Variants in SNX4 observed in about 807,000 individuals in gnomAD.
SNX4 encodes sorting nexin-4.
SNX4 carries 49 observed loss-of-function variants against 70.8 expected under a neutral mutation model. The observed-to-expected ratio is 0.69, with a 90% CI of 0.55 to 0.88. The LOEUF (loss-of-function observed/expected upper bound fraction) is 0.88, where lower values mean the gene tolerates loss of function less well. Ranked by LOEUF, SNX4 falls within the 40% of genes least tolerant of loss-of-function variation. The pLI is 0.00. For missense variants in SNX4, 528 were observed against 544.8 expected (o/e 0.97, Z 0.31); for synonymous variants, 206 against 183.8 (o/e 1.12, Z -0.98).
At chr3:125,460,198 CAA>C (rs57601494) in intron 10 of SNX4, among the ~76,000 whole-genome samples, 4,714 of 64,562 alleles carry the variant, frequency 0.073, 139 homozygotes, top group African/African-American at 0.15. Flanking sequence ...TAGTCTGTCT[CAA>C]AAAAAAAAAA....
At chr3:125,479,692 GCCACAAGAGA>G (rs1474138237) in intron 7 of SNX4, among the ~76,000 whole-genome samples, 6 of 152,068 alleles carry the variant, frequency 3.9e-5, no homozygotes, top group Admixed American at 3.3e-4. Context: ...CTTCTAGGTT[GCCACAAGAGA>G]CCAGAGCGGA....
intron 6 of SNX4, among the ~76,000 whole-genome samples, chr3:125,485,852 T>G (rs1166857171): frequency 1.3e-5 from 2 of 152,088 alleles, no homozygotes; most frequent in East Asian, 1.9e-4. Flanking sequence ...AAGCATTCTG[T>G]TTTTTTGAGA....
intron 2 of SNX4, among the ~76,000 whole-genome samples, chr3:125,500,912 A>T (rs1323690293): frequency 6.6e-6 from 1 of 151,802 alleles, no homozygotes; most frequent in African/African-American, 2.4e-5. Context: ...AAAATTACAG[A>T]AACAAAACCC....
chr3:125,504,498 A>G (rs1935005026), intron 2 of SNX4, 125 bp downstream of exon 2: 1 of 941,496 alleles, frequency 1.1e-6, no homozygotes, highest in African/African-American at 1.7e-5. Flanking sequence ...AAAAGTAAAG[A>G]AACAAAGTCA....
rs536401639 is a variant in SNX4, at chr3:125,508,746, G to A, written c.142-4002C>T. 2.1e-4 allele frequency among the ~76,000 whole-genome samples: 32 copies of A among 152,216 alleles called. No individual in the cohort carries two copies. In the South Asian group the frequency reaches 6.6e-3, roughly 32 times the overall value. ...CTCGAATATATGGTCAAACAATTTT[G>A]TGACGAGACAGTTCGATGGGAAAAG... On this transcript the variant is annotated intron_variant, in intron 1 of 13. Coordinates refer to ENST00000251775, the MANE Select transcript of SNX4 (RefSeq NM_003794.4).
chr3:125,477,896 C>T (rs768719194), intron 7 of SNX4, among the ~76,000 whole-genome samples: 4 of 152,042 alleles, frequency 2.6e-5, no homozygotes, highest in African/African-American at 7.2e-5. Context: ...GCTGAAAACA[C>T]CTCCCATCTG....
chr3:125,487,993 A>G (rs998714654), intron 6 of SNX4, among the ~76,000 whole-genome samples: 3 of 151,994 alleles, frequency 2.0e-5, no homozygotes, highest in African/African-American at 7.2e-5. Context: ...GTTTCAATGT[A>G]GGTTCATCAA....
chr3:125,484,238 G>A (rs948959707), intron 6 of SNX4, among the ~76,000 whole-genome samples: 132 of 152,256 alleles, frequency 8.7e-4, no homozygotes, highest in African/African-American at 2.9e-3. Context: ...GCCATTACAG[G>A]CTTTATGCTT....
intron 1 of SNX4, among the ~76,000 whole-genome samples, chr3:125,506,554 G>A (rs1487403158): frequency 4.1e-5 from 6 of 146,236 alleles, no homozygotes; most frequent in East Asian, 4.0e-4. Flanking sequence ...TCGCCAGGTC[G>A]GAGTGCAGTG....
intron 6 of SNX4, among the ~76,000 whole-genome samples, chr3:125,482,655 C>T (rs747894838): frequency 2.0e-5 from 3 of 152,050 alleles, no homozygotes; most frequent in Non-Finnish European, 4.4e-5. Context: ...AAAGGTTATC[C>T]GCTGATCCTG....
rs373137767 is a variant in SNX4 at position 125,457,778 on chromosome 3, T to C, written c.945-413A>G. Reference sequence around the variant, plus strand: ...TTTTAGTAGAGATGGGAATTCTCCATATTGGCCAGGCTGGTCTCAAACTGC... The same window carrying C: ...TTTTAGTAGAGATGGGAATTCTCCACATTGGCCAGGCTGGTCTCAAACTGC... On this transcript the variant is annotated intron_variant, in intron 10 of 13. Transcript: ENST00000251775. 1.6e-4 allele frequency among the ~76,000 whole-genome samples: 24 copies of C among 152,054 alleles called. No homozygotes were observed. The South Asian group carries it at 3.5e-3, about 22-fold the overall frequency.
At chr3:125,480,739 A>C (rs1010551537) in intron 6 of SNX4, among the ~76,000 whole-genome samples, 5 of 152,160 alleles carry the variant, frequency 3.3e-5, no homozygotes, top group Admixed American at 2.0e-4. Context: ...AAGGACCAAA[A>C]ACTTCTGATG....
chr3:125,497,217 G>A (rs921328752), intron 5 of SNX4, 124 bp downstream of exon 5: 1 of 582,428 alleles, frequency 1.7e-6, no homozygotes, highest in Non-Finnish European at 3.0e-6. Context: ...CCTTACCAAT[G>A]ATATTTATTG....
Position 125,497,395 on chromosome 3 carries a change from A to C in SNX4, c.550-7T>G, listed in dbSNP as rs1479256819. On this transcript the variant is annotated splice_polypyrimidine_tract_variant and splice_region_variant and intron_variant, in intron 4 of 13. Transcript: ENST00000251775. ...TCTCCTTCCAGTTACCTTCCTAAAA[A>C]TTGAAGTTAATTTTAGAAATCATTA... 14 of 1,570,616 alleles carry C rather than the reference A, an allele frequency of 8.9e-6. No individual in the cohort carries two copies. The highest frequency in any genetic ancestry group is 1.2e-5 in the Non-Finnish European group (14 of 1,142,036).
chr3:125,455,167 C>A (rs1933679432), intron 11 of SNX4, among the ~76,000 whole-genome samples: 1 of 152,118 alleles, frequency 6.6e-6, no homozygotes, highest in Admixed American at 6.6e-5. Context: ...TGGGCTCAAG[C>A]AATTCTGGGT....
chr3:125,495,254 A>ATATATATATATATATATATG (rs1238121065), intron 5 of SNX4, among the ~76,000 whole-genome samples: 9 of 49,380 alleles, frequency 1.8e-4, no homozygotes, highest in African/African-American at 6.7e-4. Flanking sequence ...CTCTCTTTAT[A>ATATATATATATATATATATG]TATATATATA....
chr3:125,506,817 TAAAAAAAAAAAAAAAAAAA>T (rs71148182), intron 1 of SNX4, among the ~76,000 whole-genome samples: 10 of 26,836 alleles, frequency 3.7e-4, no homozygotes, highest in South Asian at 2.5e-3. Flanking sequence ...GTGGAGAAAG[TAAAAAAAAAAAAAAAAAAA>T]AAAAAAAAAA....
At chr3:125,502,492 T>C (rs1218266741) in intron 2 of SNX4, among the ~76,000 whole-genome samples, 1 of 152,138 alleles carries the variant, frequency 6.6e-6, no homozygotes, top group African/African-American at 2.4e-5. Flanking sequence ...GGAAGAAGCC[T>C]TGAAAAGTCA....
intron 11 of SNX4, among the ~76,000 whole-genome samples, chr3:125,456,710 G>A (rs951020956): frequency 1.3e-5 from 2 of 152,172 alleles, no homozygotes; most frequent in African/African-American, 4.8e-5. Flanking sequence ...ACCCAGGCTG[G>A]AGTGCAGTGG....
Sources: gnomAD v4.1 joint callset for allele counts (sites outside exome capture counted in the v4.1 genomes callset) on GRCh38, gnomAD v4.1.1 for gene constraint, MANE v1.5 for transcripts, NCBI Gene and HGNC (gene_info 2026-07-23, HGNC 2026-07-21) for gene names.